Variants in EXOSC2 observed in about 807,000 individuals in gnomAD.
The protein encoded by EXOSC2 is exosome complex component RRP4.
EXOSC2 carries 29 observed loss-of-function variants against 37.6 expected under a neutral mutation model. The observed-to-expected ratio is 0.77, with a 90% CI of 0.57 to 1.05. EXOSC2 has a LOEUF of 1.05. Among genes scored for constraint, EXOSC2 ranks in the 50% least tolerant of loss-of-function variants. The pLI is 0.00. For missense variants in EXOSC2, 346 were observed against 365.6 expected (o/e 0.95, Z 0.44); for synonymous variants, 119 against 131.1 (o/e 0.91, Z 0.63).
In EXOSC2 at chr9:130,693,805, T is replaced by G. The variant is rs769145406; in HGVS notation, c.14T>G (p.Met5Arg). The G allele has an allele frequency of 6.2e-7, 1 of 1,607,140 alleles. No homozygotes were observed. The highest frequency in any genetic ancestry group is 8.5e-7 in the Non-Finnish European group (1 of 1,175,326). Reference sequence around the variant, plus strand: ...ATTGGCGCCAAGATGGCGATGGAGATGAGGCTTCCAGTGGCTCGCAAGCCT... The same window carrying G: ...ATTGGCGCCAAGATGGCGATGGAGAGGAGGCTTCCAGTGGCTCGCAAGCCT... MAME[M>R]RLPVARKPLS... The change falls in exon 1 of 9, where the codon ATG (methionine) becomes AGG (arginine). Residue 5 changes from methionine (M) to arginine (R), a missense_variant. Met to Arg is a moderately conservative substitution (Grantham distance 91). Transcript: ENST00000372358.
intron 8 of EXOSC2, 51 bp from the exon 9 acceptor site, chr9:130,703,643 T>C (rs773114946): frequency 2.1e-6 from 3 of 1,410,646 alleles, no homozygotes; most frequent in Non-Finnish European, 3.0e-6. Flanking sequence ...GGCTTGGTGG[T>C]CTGTTTATGG....
intron 5 of EXOSC2, among the ~76,000 whole-genome samples, chr9:130,699,959 A>C (rs1011351620): frequency 1.3e-5 from 2 of 152,198 alleles, no homozygotes; most frequent in Non-Finnish European, 2.9e-5. Context: ...GTAAGCTATG[A>C]TCACACCACT....
In EXOSC2 at chr9:130,698,207, T is replaced by C. The variant is rs573517629; in HGVS notation, c.316T>C (p.Ser106Pro). The change falls in exon 4 of 9, where the codon TCG (serine) becomes CCG (proline). Residue 106 changes from serine to proline, a missense_variant. Physicochemically the swap from Ser to Pro is moderately conservative, Grantham distance 74 (BLOSUM62 -1). Transcript: ENST00000372358. The surrounding 1 kb of genome is among the most constrained non-coding windows in gnomAD (Gnocchi z 4.1). ...GGTGGAGACCAACTCCAGGCTGGAT[T>C]CGGTCTTGCTGCTCTCGTCCATGAA... ...WKVETNSRLD[S>P]VLLLSSMNLP... is the part of the protein sequence containing the mutation. 9.9e-6 allele frequency: 16 copies of C among 1,614,154 alleles called. No homozygotes were observed. In the South Asian group the frequency reaches 1.8e-4, roughly 18 times the overall value.
At position 130,703,869 on chromosome 9, in the gene EXOSC2, C is replaced by A; in HGVS notation, c.*95C>A. 9.7e-7 allele frequency: 1 copy of A among 1,027,624 alleles called. No homozygotes were observed. 63.7% of individuals were successfully genotyped at this position (1,027,624 alleles called of 1,614,324 possible). A position where few individuals can be genotyped will look rare whatever the true frequency, so the allele number is the denominator to read the frequency against. On this transcript the variant is annotated 3_prime_UTR_variant, in exon 9 of 9. Coordinates refer to ENST00000372358, the MANE Select transcript of EXOSC2 (RefSeq NM_014285.7). ...GTGGCTCAGCAAAGACTCGAGAGAT[C>A]ATCCCTTTGTCTGCATTGACGGCCC...
intron 5 of EXOSC2, 120 bp downstream of exon 5, chr9:130,699,514 A>C: frequency 1.9e-6 from 2 of 1,032,492 alleles, no homozygotes; most frequent in Non-Finnish European, 3.0e-6. Flanking sequence ...CGAGTCTTAG[A>C]CCAAGTGTCG....
chr9:130,703,515 G>T (rs1433446309), intron 8 of EXOSC2, among the ~76,000 whole-genome samples, 179 bp from the exon 9 acceptor site: 1 of 152,170 alleles, frequency 6.6e-6, no homozygotes, highest in Non-Finnish European at 1.5e-5. Flanking sequence ...CTATATCCCA[G>T]AGCATCTTGC....
chr9:130,701,029 C>A, intron 6 of EXOSC2, 94 bp downstream of exon 6: 2 of 1,189,398 alleles, frequency 1.7e-6, no homozygotes, highest in Non-Finnish European at 2.5e-6. Flanking sequence ...CCTAAAGAAC[C>A]CCAGTAGCTA....
intron 8 of EXOSC2, 50 bp downstream of exon 8, chr9:130,703,231 G>A: frequency 6.4e-7 from 1 of 1,572,762 alleles, no homozygotes; most frequent in Non-Finnish European, 8.7e-7. Context: ...GAGCTGCTCT[G>A]TTGTTTGTTC....
At position 130,702,144 on chromosome 9, in the gene EXOSC2, G is replaced by GGGTTTTGGTCCA; in HGVS notation, c.512_523dup (p.Leu171_Val174dup). 1 of 1,613,970 alleles carries GGGTTTTGGTCCA rather than the reference G, an allele frequency of 6.2e-7. No individual in the cohort carries two copies. The highest frequency in any genetic ancestry group is 8.5e-7 in the Non-Finnish European group (1 of 1,179,984). ...GATATATTTCTTTAGCTAGGTCAGG[G>GGGTTTTGGTCCA]GGTTTTGGTCCAGGTTTCCCCCTCC... On this transcript the variant is annotated inframe_insertion, in exon 7 of 9. Coordinates refer to ENST00000372358, the MANE Select transcript of EXOSC2 (RefSeq NM_014285.7).
At position 130,702,296 on chromosome 9, in the gene EXOSC2, A is replaced by G. The variant is rs751394088; in HGVS notation, c.658A>G (p.Ile220Val). The G allele has an allele frequency of 1.9e-6, 3 of 1,613,792 alleles. No individual in the cohort carries two copies. Among genetic ancestry groups the G allele is most frequent in the African/African-American group, 2.7e-5 (2 of 74,918 alleles). Residue 220 changes from isoleucine to valine, a missense_variant, in exon 7 of 9, where the codon ATT becomes GTT. By Grantham distance (29) the Ile-to-Val change is conservative (BLOSUM62 3). Transcript: ENST00000372358. ...EHKEEEAGGFIANLEPVSLAD... is the reference protein window; with the variant it reads ...EHKEEEAGGFVANLEPVSLAD... Reference sequence around the variant, plus strand: ...CAAAGAAGAGGAAGCAGGGGGCTTCATTGCAAACCTGGAGGTGAGCAAACA... The same window carrying G: ...CAAAGAAGAGGAAGCAGGGGGCTTCGTTGCAAACCTGGAGGTGAGCAAACA...
rs759087653 is a variant in EXOSC2 at position 130,702,168 on chromosome 9, C to A, written c.530C>A (p.Ser177Tyr). Reference protein sequence around the residue: ...GQGVLVQVSPSLVKRQKTHFH... With the variant: ...GQGVLVQVSPYLVKRQKTHFH... ...GGGGTTTTGGTCCAGGTTTCCCCCTCCCTGGTGAAACGGCAGAAGACCCAC... is the reference window on the plus strand; with the variant it reads ...GGGGTTTTGGTCCAGGTTTCCCCCTACCTGGTGAAACGGCAGAAGACCCAC... Residue 177 changes from serine to tyrosine, a missense_variant, in exon 7 of 9, where the codon TCC (serine) becomes TAC (tyrosine). Coordinates refer to ENST00000372358, the MANE Select transcript of EXOSC2 (RefSeq NM_014285.7). 6.2e-7 allele frequency: 1 copy of A among 1,614,104 alleles called. No individual in the cohort carries two copies. Among genetic ancestry groups the A allele is most frequent in the Non-Finnish European group, 8.5e-7 (1 of 1,180,034 alleles).
Position 130,699,339 on chromosome 9 carries a change from C to A in EXOSC2, c.371C>A (p.Ser124Tyr). Residue 124 changes from serine to tyrosine, a missense_variant, in exon 5 of 9, where the codon TCT (serine) becomes TAT (tyrosine). Transcript: ENST00000372358. Reference protein sequence around the residue: ...NLPGGELRRRSAEDELAMRGF... With the variant: ...NLPGGELRRRYAEDELAMRGF... ...CTTTGTGTATTTCAGAGGAGAAGAT[C>A]TGCAGAAGATGAGCTTGCAATGAGA... 1 of 1,614,186 alleles carries A rather than the reference C, an allele frequency of 6.2e-7. No homozygotes were observed. Among genetic ancestry groups the A allele is most frequent in the Non-Finnish European group, 8.5e-7 (1 of 1,180,026 alleles).
chr9:130,701,123 G>T, intron 6 of EXOSC2, 188 bp downstream of exon 6: 1 of 580,422 alleles, frequency 1.7e-6, no homozygotes, highest in Non-Finnish European at 3.1e-6. Flanking sequence ...CAGGGTCATG[G>T]GTCAGTAGCC....
intron 5 of EXOSC2, among the ~76,000 whole-genome samples, chr9:130,700,365 A>T (rs139932931): frequency 0.21 from 29,412 of 140,886 alleles, 3,091 homozygotes; most frequent in East Asian, 0.37. Flanking sequence ...TTATTTATTT[A>T]TTTATTTTTT....
At chr9:130,701,029 CCCAGTAGCTAAG>C (rs1831204352) in intron 6 of EXOSC2, 94 bp downstream of exon 6, 1 of 1,189,280 alleles carries the variant, frequency 8.4e-7, no homozygotes, top group African/African-American at 1.5e-5. Context: ...CCTAAAGAAC[CCCAGTAGCTAAG>C]CATTAATAGA....
chr9:130,697,775 T>A (rs895894366), intron 3 of EXOSC2, 148 bp downstream of exon 3: 205 of 740,120 alleles, frequency 2.8e-4, no homozygotes, highest in Non-Finnish European at 4.6e-4. Flanking sequence ...TGTGGCTTGT[T>A]CGATTTCAGA....
rs1831145813 is a variant in EXOSC2, at chr9:130,698,524, G to C, written c.360+273G>C. ...TGGGGAGAGAAGCCCTTAGATGCTG[G>C]TTGTTAACAGTTTTCCTTTTTGGAT... On this transcript the variant is annotated intron_variant, in intron 4 of 8. Coordinates refer to ENST00000372358, the MANE Select transcript of EXOSC2 (RefSeq NM_014285.7). The surrounding 1 kb of genome is among the most constrained non-coding windows in gnomAD (Gnocchi z 4.1). Among the ~76,000 whole-genome samples the C allele has an allele frequency of 6.6e-6, 1 of 152,220 alleles. No individual in the cohort carries two copies. The highest frequency in any genetic ancestry group is 1.5e-5 in the Non-Finnish European group (1 of 68,046).
rs1411944975 is a variant in EXOSC2, at chr9:130,702,127, T to C, written c.496-7T>C. 2 of 1,613,180 alleles carry C rather than the reference T, an allele frequency of 1.2e-6. No homozygotes were observed. Among genetic ancestry groups the C allele is most frequent in the Non-Finnish European group, 1.7e-6 (2 of 1,179,710 alleles). On this transcript the variant is annotated splice_region_variant and splice_polypyrimidine_tract_variant and intron_variant, in intron 6 of 8. Transcript: ENST00000372358. ...CAGTGACCTAGCTTCGTGATATATT[T>C]CTTTAGCTAGGTCAGGGGGTTTTGG... is the stretch of plus-strand genomic sequence containing the variant.
rs780713259 is a variant in EXOSC2, at chr9:130,698,274, T to G, written c.360+23T>G. The G allele has an allele frequency of 2.5e-6, 4 of 1,606,356 alleles. No individual in the cohort carries two copies. The highest frequency in any genetic ancestry group is 3.4e-6 in the Non-Finnish European group (4 of 1,173,640). On this transcript the variant is annotated intron_variant, in intron 4 of 8. Transcript: ENST00000372358. This position sits in a 1 kb window ranked among gnomAD's most constrained non-coding sequence, Gnocchi z 4.1. ...CTGGTAAGGGCTACAGCTGGGGCCA[T>G]GGACTAGGGCCCAGTGGGCTGGGGG...
Sources: gnomAD v4.1 joint callset for allele counts (sites outside exome capture counted in the v4.1 genomes callset) on GRCh38, gnomAD v4.1.1 for gene constraint, Gnocchi (gnomAD v3.1) non-coding constraint, MANE v1.5 for transcripts, NCBI Gene and HGNC (gene_info 2026-07-23, HGNC 2026-07-21) for gene names.